The following PPARG variants were observed in gnomAD, a reference collection of about 807,000 sequenced individuals.
The protein encoded by PPARG is peroxisome proliferator activated receptor gamma.
A neutral mutation model predicts 39.2 loss-of-function variants in PPARG; 17 were observed. The ratio of observed to expected loss-of-function variants is 0.43; its 90% CI spans 0.30 to 0.65. PPARG has a LOEUF of 0.65. PPARG is among the 30% of genes least tolerant of loss of function. The probability of loss-of-function intolerance (pLI) is 0.13; values close to 1 mark genes in which losing one functional copy is unlikely to be tolerated. For synonymous variants in PPARG, 223 were observed against 215.7 expected, an observed-to-expected ratio of 1.03 and a Z score of -0.30; for missense variants, 406 against 585.9, an observed-to-expected ratio of 0.69 and a Z score of 3.17.
intron 2 of PPARG, among the ~76,000 whole-genome samples, chr3:12,370,757 AT>A (rs1256629220): frequency 6.6e-6 from 1 of 151,992 alleles, no homozygotes; most frequent in African/African-American, 2.4e-5. Context: ...TGATCACCAG[AT>A]TTTTTTTGTT....
At chr3:12,337,576 A>G (rs988298903) in intron 2 of PPARG, among the ~76,000 whole-genome samples, 6 of 152,144 alleles carry the variant, frequency 3.9e-5, no homozygotes, top group African/African-American at 1.4e-4. Context: ...CCCTATCTCC[A>G]CTTGAAAAAT....
chr3:12,364,777 C>T (rs1435542065), intron 2 of PPARG, among the ~76,000 whole-genome samples: 2 of 152,152 alleles, frequency 1.3e-5, no homozygotes, highest in Non-Finnish European at 2.9e-5. Context: ...TTGCAGTGCT[C>T]TCGTGACATA....
At chr3:12,410,170 T>G (rs2050829423) in intron 6 of PPARG, among the ~76,000 whole-genome samples, 1 of 152,226 alleles carries the variant, frequency 6.6e-6, no homozygotes, top group African/African-American at 2.4e-5. Flanking sequence ...TGGAACTGAC[T>G]GTCCCCACAA....
At chr3:12,412,907 GATAA>G (rs1432437337) in intron 6 of PPARG, among the ~76,000 whole-genome samples, 3 of 152,128 alleles carry the variant, frequency 2.0e-5, no homozygotes, top group African/African-American at 7.2e-5. Flanking sequence ...ACGGTCTGAA[GATAA>G]ATACACTGTT....
chr3:12,337,714 A>C (rs1448862015), intron 2 of PPARG, among the ~76,000 whole-genome samples: 1 of 152,160 alleles, frequency 6.6e-6, no homozygotes, highest in Non-Finnish European at 1.5e-5. Flanking sequence ...GCCCCCATTC[A>C]TGGGTTCCAC....
intron 2 of PPARG, among the ~76,000 whole-genome samples, chr3:12,352,303 A>G (rs1380377908): frequency 4.6e-5 from 7 of 152,226 alleles, no homozygotes; most frequent in African/African-American, 7.2e-5. Flanking sequence ...TGTTCCAAGC[A>G]TCACATTTTA....
At chr3:12,356,081 T>C (rs1167574798) in intron 2 of PPARG, among the ~76,000 whole-genome samples, 1 of 152,214 alleles carries the variant, frequency 6.6e-6, no homozygotes, top group Non-Finnish European at 1.5e-5. Context: ...GTTAGCTCCC[T>C]TTGGACGCTT....
chr3:12,417,171 G>T lies in PPARG; in HGVS notation c.1180+17G>T. 1 of 1,610,942 alleles carries T rather than the reference G, an allele frequency of 6.2e-7. No individual in the cohort carries two copies. The highest frequency in any genetic ancestry group is 1.1e-5 in the South Asian group (1 of 90,826). Reference sequence around the variant, plus strand: ...TCAGTGGAGGTAAGATTTGTCTTTTGATCTTCTATGAAAGAGGGTGGGATG... The same window carrying T: ...TCAGTGGAGGTAAGATTTGTCTTTTTATCTTCTATGAAAGAGGGTGGGATG... On this transcript the variant is annotated intron_variant, in intron 7 of 7. Transcript: ENST00000651735.
At position 12,349,968 on chromosome 3, in the gene PPARG, C is replaced by A. The variant is rs552817978; in HGVS notation, c.-8-29736C>A. Among the ~76,000 whole-genome samples the A allele has an allele frequency of 3.9e-5, 6 of 152,202 alleles. No individual in the cohort carries two copies. In the South Asian group the frequency reaches 8.3e-4, roughly 21 times the overall value. ...GTAGATGAAGAGTCCAGAAGTGAGA[C>A]CCTTTGAGGACATGAGGACAGGTGG... On this transcript the variant is annotated intron_variant, in intron 2 of 7. Coordinates refer to ENST00000651735, the MANE Select transcript of PPARG (RefSeq NM_138711.6).
At chr3:12,384,662 C>T (rs2049808081) in intron 4 of PPARG, among the ~76,000 whole-genome samples, 1 of 152,076 alleles carries the variant, frequency 6.6e-6, no homozygotes, top group Non-Finnish European at 1.5e-5. Flanking sequence ...TGGTCTGGGG[C>T]TTGGACCCTT....
At chr3:12,305,921 A>G (rs989486547) in intron 1 of PPARG, 2 of 152,260 alleles carry the variant, frequency 1.3e-5, no homozygotes, top group Non-Finnish European at 2.9e-5. Context: ...TAACTCCATA[A>G]TTAACTCAAG....
At chr3:12,408,244 C>T (rs2050742209) in intron 6 of PPARG, among the ~76,000 whole-genome samples, 1 of 152,184 alleles carries the variant, frequency 6.6e-6, no homozygotes, top group African/African-American at 2.4e-5. Flanking sequence ...GAATTCTTCA[C>T]CTCATCTGCT....
chr3:12,364,973 C>T (rs1173790429), intron 2 of PPARG, among the ~76,000 whole-genome samples: 1 of 152,124 alleles, frequency 6.6e-6, no homozygotes, highest in Non-Finnish European at 1.5e-5. Flanking sequence ...CTTTTTGGCA[C>T]CAGGGACCAG....
chr3:12,410,985 T>A (rs867136059), intron 6 of PPARG, among the ~76,000 whole-genome samples: 6 of 152,130 alleles, frequency 3.9e-5, no homozygotes, highest in African/African-American at 1.4e-4. Context: ...CCAGTAGAAA[T>A]AAAATCAGGA....
chr3:12,413,042 T>C (rs575749442), intron 6 of PPARG, among the ~76,000 whole-genome samples: 3 of 152,318 alleles, frequency 2.0e-5, no homozygotes, highest in Non-Finnish European at 4.4e-5. Context: ...TCCACTTTGC[T>C]TTGTAAAAAA....
chr3:12,375,955 T>C (rs1448414581), intron 2 of PPARG, among the ~76,000 whole-genome samples: 1 of 152,038 alleles, frequency 6.6e-6, no homozygotes, highest in East Asian at 1.9e-4. Flanking sequence ...AGGCTTTTTT[T>C]TTTTTTCTTT....
At chr3:12,404,832 C>A (rs1392598480) in intron 5 of PPARG, among the ~76,000 whole-genome samples, 1 of 152,110 alleles carries the variant, frequency 6.6e-6, no homozygotes, top group Non-Finnish European at 1.5e-5. Context: ...AAATAAAAAT[C>A]TCTTTGTTCT....
rs1019140841 is a variant in PPARG, at chr3:12,333,563, C to T, written c.-9+21110C>T. On this transcript the variant is annotated intron_variant, in intron 2 of 7. Coordinates refer to ENST00000651735, the MANE Select transcript of PPARG (RefSeq NM_138711.6). The stretch of plus-strand genomic sequence containing the variant: ...CACTGCAACCTCAACCTACCGGGCT[C>T]GAGTGATCCTCAGCTGTGCCATCTC... Among the ~76,000 whole-genome samples the T allele has an allele frequency of 2.0e-5, 3 of 152,110 alleles. No homozygotes were observed. In the South Asian group the frequency reaches 6.2e-4, roughly 31 times the overall value.
chr3:12,329,837 GTCTCTATGAAT>G (rs2047801196), intron 2 of PPARG, among the ~76,000 whole-genome samples: 1 of 152,078 alleles, frequency 6.6e-6, no homozygotes, highest in Non-Finnish European at 1.5e-5. Flanking sequence ...TCTACTTTCT[GTCTCTATGAAT>G]TCGGATATTC....
Sources: allele counts gnomAD v4.1 joint callset (sites outside exome capture counted in the v4.1 genomes callset), GRCh38; gene constraint gnomAD v4.1.1; transcripts MANE v1.5; gene names NCBI Gene and HGNC (gene_info 2026-07-23, HGNC 2026-07-21).